The following PPIL4 variants were observed in gnomAD, a reference collection of about 807,000 sequenced individuals.
PPIL4 encodes the protein peptidylprolyl isomerase like 4, also known as peptidyl-prolyl cis-trans isomerase-like 4.
Under a neutral mutation model 69.1 loss-of-function variants are expected in PPIL4, and 50 were observed. The observed-to-expected ratio is 0.72, with a 90% CI of 0.58 to 0.92. The LOEUF (loss-of-function observed/expected upper bound fraction) is 0.92, where lower values mean the gene tolerates loss of function less well. Among genes scored for constraint, PPIL4 ranks in the 40% least tolerant of loss-of-function variants. The probability of loss-of-function intolerance (pLI) is 0.00; values close to 1 mark genes in which losing one functional copy is unlikely to be tolerated. For missense variants in PPIL4, 480 were observed against 587.9 expected, an observed-to-expected ratio of 0.82 and a Z score of 1.90; for synonymous variants, 193 against 191.6, an observed-to-expected ratio of 1.01 and a Z score of -0.06.
Position 149,533,352 on chromosome 6 carries a change from A to C in PPIL4, c.678+106T>G, listed in dbSNP as rs1332788786. On this transcript the variant is annotated intron_variant, in intron 7 of 12. Transcript: ENST00000253329. ...CAAATTTAAATCAGAAAAAAATCAT[A>C]ACTCAATTTTTAACATTTTAAGACT... The C allele has an allele frequency of 6.0e-6, 4 of 661,330 alleles. No homozygotes were observed. The East Asian group carries it at 1.1e-4, about 18-fold the overall frequency. 41.0% of individuals were successfully genotyped at this position (661,330 alleles called of 1,614,324 possible). A position where few individuals can be genotyped will look rare whatever the true frequency, so the allele number is the denominator to read the frequency against.
intron 4 of PPIL4, among the ~76,000 whole-genome samples, chr6:149,539,092 C>T (rs1777322901): frequency 6.6e-6 from 1 of 152,150 alleles, no homozygotes; most frequent in African/African-American, 2.4e-5. Flanking sequence ...GGTGATCCGC[C>T]CCCCTCAGCC....
At chr6:149,542,700 G>A (rs1453570306) in intron 1 of PPIL4, among the ~76,000 whole-genome samples, 2 of 152,184 alleles carry the variant, frequency 1.3e-5, no homozygotes, top group African/African-American at 4.8e-5. Context: ...GATTGTTTCT[G>A]GCTAGGGAAA....
At position 149,534,264 on chromosome 6, in the gene PPIL4, T is replaced by A. The variant is rs185890587; in HGVS notation, c.561+414A>T. Among the ~76,000 whole-genome samples, 4 of 152,260 alleles carry A rather than the reference T, an allele frequency of 2.6e-5. No individual in the cohort carries two copies. In the East Asian group the frequency reaches 7.7e-4, roughly 29 times the overall value. ...CACCAATCCCAACCATAAAGACAAA[T>A]TCAGCTTTCAGGAAGCCACATAAAC... On this transcript the variant is annotated intron_variant, in intron 6 of 12. Transcript: ENST00000253329.
Position 149,545,926 on chromosome 6 carries a change from C to G in PPIL4, c.70+10G>C, listed in dbSNP as rs766124052. ...GCCCCGGCGACAGGTGAGTGGGGCT[C>G]AAGCCTCACCACGCGGCCGTTCTTC... On this transcript the variant is annotated intron_variant, in intron 1 of 12. Transcript: ENST00000253329. 6.3e-7 allele frequency: 1 copy of G among 1,577,004 alleles called. No individual in the cohort carries two copies. The highest frequency in any genetic ancestry group is 1.1e-5 in the South Asian group (1 of 87,056).
At chr6:149,515,393 C>T (rs1196198608) in intron 11 of PPIL4, among the ~76,000 whole-genome samples, 1 of 151,982 alleles carries the variant, frequency 6.6e-6, no homozygotes, top group African/African-American at 2.4e-5. Flanking sequence ...CAGCACTCCA[C>T]CTCAGCCCTC....
At chr6:149,541,246 G>A in intron 3 of PPIL4, 121 bp downstream of exon 3, 1 of 512,376 alleles carries the variant, frequency 2.0e-6, no homozygotes, top group Non-Finnish European at 3.2e-6. Flanking sequence ...AATGCAGATT[G>A]AAGCATGAGC....
At chr6:149,513,412 A>AAAAT (rs1554215970) in intron 11 of PPIL4, among the ~76,000 whole-genome samples, 9 of 55,324 alleles carry the variant, frequency 1.6e-4, no homozygotes, top group African/African-American at 4.6e-4. Context: ...AAAAAAAAAA[A>AAAAT]ATATATATAT....
In PPIL4 at chr6:149,505,721, G is replaced by T; in HGVS notation, c.1228-17C>A. ...ATAGATATCCTGTCAAAGGAAGGGG[G>T]AATTACAAGTGAATCAGTAAAATAA... On this transcript the variant is annotated splice_polypyrimidine_tract_variant and intron_variant, in intron 12 of 12. Transcript: ENST00000253329. 6.3e-7 allele frequency: 1 copy of T among 1,596,244 alleles called. No homozygotes were observed. Among genetic ancestry groups the T allele is most frequent in the Non-Finnish European group, 8.5e-7 (1 of 1,171,792 alleles).
chr6:149,505,491 T>C lies in PPIL4; in HGVS notation c.1441A>G (p.Lys481Glu). ...GATTTTTCTTTATCTTTGGACTTCT[T>C]TGGACTTCTGCTTCGGTCTCTCTTT... ...SKKRDRSRSPKKSKDKEKSKY... is the reference protein window; with the variant it reads ...SKKRDRSRSPEKSKDKEKSKY... Residue 481 changes from lysine (K) to glutamate (E), a missense_variant, in exon 13 of 13, where the codon AAG becomes GAG. Physicochemically the swap from Lys to Glu is moderately conservative, Grantham distance 56 (BLOSUM62 1). Coordinates refer to ENST00000253329, the MANE Select transcript of PPIL4 (RefSeq NM_139126.4). The C allele has an allele frequency of 1.9e-6, 3 of 1,613,914 alleles. No individual in the cohort carries two copies. Among genetic ancestry groups the C allele is most frequent in the Non-Finnish European group, 2.5e-6 (3 of 1,179,936 alleles).
chr6:149,525,221 T>G lies in PPIL4; in HGVS notation c.804-12A>C. 7.0e-7 allele frequency: 1 copy of G among 1,433,954 alleles called. No individual in the cohort carries two copies. Among genetic ancestry groups the G allele is most frequent in the Non-Finnish European group, 9.6e-7 (1 of 1,041,978 alleles). 88.8% of individuals were successfully genotyped at this position (1,433,954 alleles called of 1,614,324 possible). Reference sequence around the variant, plus strand: ...GGATAACTTCACAACTGAAAGAAAGTATTTAAAAGTGACTTAAAAAAAAAA... The same window carrying G: ...GGATAACTTCACAACTGAAAGAAAGGATTTAAAAGTGACTTAAAAAAAAAA... On this transcript the variant is annotated splice_polypyrimidine_tract_variant and intron_variant, in intron 8 of 12. Coordinates refer to ENST00000253329, the MANE Select transcript of PPIL4 (RefSeq NM_139126.4).
intron 7 of PPIL4, among the ~76,000 whole-genome samples, chr6:149,530,478 G>C (rs1777179195): frequency 6.6e-6 from 1 of 152,004 alleles, no homozygotes; most frequent in African/African-American, 2.4e-5. Flanking sequence ...GACCAACATG[G>C]TGAAACCCTG....
Position 149,526,658 on chromosome 6 carries a change from A to C in PPIL4, c.797T>G (p.Ile266Arg). 1 of 1,608,104 alleles carries C rather than the reference A, an allele frequency of 6.2e-7. No individual in the cohort carries two copies. The highest frequency in any genetic ancestry group is 8.5e-7 in the Non-Finnish European group (1 of 1,176,618). ...CACTAATTCTAAGGATTACCTTCTT[A>C]TTGGCCCAAATCTAGAGAATATTAT... is the stretch of plus-strand genomic sequence containing the variant. ...LEIIFSRFGP[I>R]RSCEVIRDWK... Residue 266 changes from isoleucine to arginine, a missense_variant, in exon 8 of 13, where the codon ATA becomes AGA. By Grantham distance (97) the Ile-to-Arg change is moderately conservative. Transcript: ENST00000253329.
chr6:149,515,937 C>G (rs1216674087), intron 11 of PPIL4, among the ~76,000 whole-genome samples: 1 of 152,106 alleles, frequency 6.6e-6, no homozygotes, highest in Non-Finnish European at 1.5e-5. Context: ...TCTCTTAAGG[C>G]CCATAAAGTA....
At position 149,541,070 on chromosome 6, in the gene PPIL4, A is replaced by G; in HGVS notation, c.204-11T>C. 6.8e-7 allele frequency: 1 copy of G among 1,467,664 alleles called. No homozygotes were observed. The highest frequency in any genetic ancestry group is 9.5e-7 in the Non-Finnish European group (1 of 1,049,116). The allele number at this position is 1,467,664 out of a possible 1,614,324, so 90.9% of individuals were successfully genotyped here. ...TCACCATACAGTTGGCTGAAAAAACATATAAGGTTATAAATGTAAGTACTC... is the reference window on the plus strand; with the variant it reads ...TCACCATACAGTTGGCTGAAAAAACGTATAAGGTTATAAATGTAAGTACTC... On this transcript the variant is annotated splice_polypyrimidine_tract_variant and intron_variant, in intron 3 of 12. Coordinates refer to ENST00000253329, the MANE Select transcript of PPIL4 (RefSeq NM_139126.4).
At chr6:149,523,248 C>T (rs1777058444) in intron 9 of PPIL4, among the ~76,000 whole-genome samples, 1 of 151,952 alleles carries the variant, frequency 6.6e-6, no homozygotes, top group South Asian at 2.1e-4. Context: ...AGCCCATGAG[C>T]TCAAGTCCAG....
At chr6:149,533,614 TAA>T in intron 6 of PPIL4, 40 bp from the exon 7 acceptor site, 1 of 1,149,340 alleles carries the variant, frequency 8.7e-7, no homozygotes, top group Non-Finnish European at 1.3e-6. Context: ...ATTTAAAGAA[TAA>T]AAAAATCTGA....
At chr6:149,526,894 G>C in intron 7 of PPIL4, 118 bp from the exon 8 acceptor site, 1 of 1,001,086 alleles carries the variant, frequency 1.0e-6, no homozygotes, top group Non-Finnish European at 1.5e-6. Context: ...ACAAACTGCA[G>C]GCTCTGGAAA....
chr6:149,522,633 A>C (rs577160460), intron 9 of PPIL4, among the ~76,000 whole-genome samples: 189 of 152,222 alleles, frequency 1.2e-3, no homozygotes, highest in African/African-American at 4.4e-3. Flanking sequence ...TATTTTTTTG[A>C]GACGGAGTCT....
intron 12 of PPIL4, 134 bp downstream of exon 12, chr6:149,512,021 C>A: frequency 1.6e-6 from 1 of 606,848 alleles, no homozygotes; most frequent in Non-Finnish European, 2.7e-6. Context: ...CCAGTGCAAC[C>A]ATTCTGCTTC....
Sources: gnomAD v4.1 joint callset for allele counts (sites outside exome capture counted in the v4.1 genomes callset) on GRCh38, gnomAD v4.1.1 for gene constraint, MANE v1.5 for transcripts, NCBI Gene and HGNC (gene_info 2026-07-23, HGNC 2026-07-21) for gene names.